Variants in FAM220A observed in about 807,000 individuals in gnomAD.
The protein encoded by FAM220A is protein FAM220A.
For synonymous variants in FAM220A, 141 were observed against 130.7 expected (o/e 1.08, Z -0.54); for missense variants, 392 against 321.6 (o/e 1.22, Z -1.68).
chr7:6,346,616 A>T (rs1781955199), intron 1 of FAM220A, among the ~76,000 whole-genome samples: 1 of 152,136 alleles, frequency 6.6e-6, no homozygotes. Flanking sequence ...CCTGAGCTTA[A>T]GCGACGCAGA....
rs113341185 is a variant in FAM220A at position 6,336,494 on chromosome 7, A to C, written c.-81-5259T>G. Among the ~76,000 whole-genome samples the C allele has an allele frequency of 1.1e-4, 16 of 152,242 alleles. 3 individuals are homozygous for C. The highest frequency in any genetic ancestry group is 3.4e-4 in the African/African-American group (14 of 41,568). ...TCAGGAGTTTGAGACCAGCCTGGCC[A>C]ACACAGGGAAACCCTATCTCTACTA... On this transcript the variant is annotated intron_variant, in intron 1 of 1. Transcript: ENST00000313324.
intron 1 of FAM220A, among the ~76,000 whole-genome samples, chr7:6,337,220 T>C (rs1008969997): frequency 2.0e-5 from 3 of 152,104 alleles, no homozygotes; most frequent in African/African-American, 7.2e-5. Context: ...TACAGGTGTA[T>C]GCCACCATGG....
chr7:6,330,854 T>G lies in FAM220A; in HGVS notation c.301A>C (p.Ser101Arg). ...GCAGGGAACAAACCCACGGCTGTGCTCGGAGTGGCTGCTGAGGCTGGATTT... is the reference window on the plus strand; with the variant it reads ...GCAGGGAACAAACCCACGGCTGTGCGCGGAGTGGCTGCTGAGGCTGGATTT... ...RRNPASAATP[S>R]TAVGLFPAPT... The change falls in exon 2 of 2, where the codon AGC (serine) becomes CGC (arginine). Residue 101 changes from serine (S) to arginine (R), a missense_variant. Coordinates refer to ENST00000313324, the MANE Select transcript of FAM220A (RefSeq NM_001037163.2). 3.7e-6 allele frequency: 6 copies of G among 1,614,170 alleles called. No individual in the cohort carries two copies.
At chr7:6,333,103 G>C (rs1037786712) in intron 1 of FAM220A, among the ~76,000 whole-genome samples, 12 of 150,456 alleles carry the variant, frequency 8.0e-5, no homozygotes, top group African/African-American at 2.9e-4. Flanking sequence ...GTTGCAGTGA[G>C]CCGAGATCCC....
intron 1 of FAM220A, among the ~76,000 whole-genome samples, chr7:6,345,800 G>A (rs561246321): frequency 7.2e-5 from 11 of 151,820 alleles, no homozygotes; most frequent in East Asian, 3.9e-4. Context: ...ACAGAGTCTC[G>A]CTGTGTTTCC....
At position 6,344,712 on chromosome 7, in the gene FAM220A, C is replaced by T. The variant is rs1210388760; in HGVS notation, c.-82+3861G>A. Among the ~76,000 whole-genome samples, 3 of 151,956 alleles carry T rather than the reference C, an allele frequency of 2.0e-5. No homozygotes were observed. The South Asian group carries it at 6.2e-4, about 32-fold the overall frequency. On this transcript the variant is annotated intron_variant, in intron 1 of 1. Transcript: ENST00000313324. ...GGGATTACAGGGTTGAGTCACGGCACCTGGCCCACTCAATTCTTTTTTTTA... is the reference window on the plus strand; with the variant it reads ...GGGATTACAGGGTTGAGTCACGGCATCTGGCCCACTCAATTCTTTTTTTTA...
rs116646505 is a variant in FAM220A at position 6,331,987 on chromosome 7, C to A, written c.-81-752G>T. ...ATTAGCCAGGTGTGATGGCAGGTGT[C>A]TGTAATCCCAGCTAGTTGGGAGGCT... On this transcript the variant is annotated intron_variant, in intron 1 of 1. Coordinates refer to ENST00000313324, the MANE Select transcript of FAM220A (RefSeq NM_001037163.2). Among the ~76,000 whole-genome samples the A allele has an allele frequency of 3.4e-3, 522 of 151,612 alleles. 4 individuals are homozygous for A. Among genetic ancestry groups the A allele is most frequent in the African/African-American group, 0.012 (499 of 41,386 alleles).
intron 1 of FAM220A, among the ~76,000 whole-genome samples, chr7:6,348,232 A>AGGGGGGGG (rs11408091): frequency 1.4e-5 from 2 of 145,172 alleles, no homozygotes; most frequent in Non-Finnish European, 3.0e-5. Flanking sequence ...ATTAAAAATA[A>AGGGGGGGG]GGGGGGGGGT....
intron 1 of FAM220A, among the ~76,000 whole-genome samples, chr7:6,332,537 G>C (rs1250726770): frequency 6.6e-6 from 1 of 152,050 alleles, no homozygotes; most frequent in Admixed American, 6.6e-5. Context: ...ACCACCCTCA[G>C]CCAGGCGTGG....
chr7:6,345,008 T>C (rs1781929379), intron 1 of FAM220A, among the ~76,000 whole-genome samples: 1 of 152,156 alleles, frequency 6.6e-6, no homozygotes, highest in Non-Finnish European at 1.5e-5. Context: ...CTCAAAGTGC[T>C]GGGATTTACA....
intron 1 of FAM220A, among the ~76,000 whole-genome samples, chr7:6,348,025 C>G (rs1583243355): frequency 6.6e-6 from 1 of 151,700 alleles, no homozygotes; most frequent in Middle Eastern, 3.4e-3. Flanking sequence ...ATTCTGCCGC[C>G]TCAGCCTCCC....
intron 1 of FAM220A, chr7:6,342,011 G>C (rs528903638): frequency 1.3e-5 from 2 of 151,484 alleles, no homozygotes; most frequent in Non-Finnish European, 2.9e-5. Context: ...AAAAAAAATT[G>C]CAAGTGCTGA....
chr7:6,337,586 TA>T (rs5882089), intron 1 of FAM220A, among the ~76,000 whole-genome samples: 7,453 of 151,728 alleles, frequency 0.049, 326 homozygotes, highest in East Asian at 0.18. Flanking sequence ...ACAGTACCAT[TA>T]TTTTTTTTCA....
intron 1 of FAM220A, among the ~76,000 whole-genome samples, chr7:6,346,551 T>A (rs1197745772): frequency 6.6e-6 from 1 of 152,030 alleles, no homozygotes; most frequent in Non-Finnish European, 1.5e-5. Context: ...CAGCTAATTT[T>A]TTGTATTTTA....
In FAM220A at chr7:6,338,918, A is replaced by C. The variant is rs111368161; in HGVS notation, c.-81-7683T>G. On this transcript the variant is annotated intron_variant, in intron 1 of 1. Transcript: ENST00000313324. ...TGGGCCTTGAGGGACTGCCGCACGC[A>C]AGGAGAGCTCACACACGCTCCCAGA... Among the ~76,000 whole-genome samples, 9 of 152,290 alleles carry C rather than the reference A, an allele frequency of 5.9e-5. 2 individuals are homozygous for C. Among genetic ancestry groups the C allele is most frequent in the African/African-American group, 2.2e-4 (9 of 41,570 alleles).
chr7:6,340,788 A>G (rs1231494814), intron 1 of FAM220A, among the ~76,000 whole-genome samples: 2 of 150,756 alleles, frequency 1.3e-5, no homozygotes, highest in South Asian at 4.2e-4. Context: ...AGTCCCAGCT[A>G]CTCGGGAGGC....
intron 1 of FAM220A, among the ~76,000 whole-genome samples, chr7:6,338,859 G>T (rs1419519976): frequency 6.6e-6 from 1 of 152,160 alleles, no homozygotes; most frequent in South Asian, 2.1e-4. Context: ...GTCCCAAAGG[G>T]GAGAAGACAC....
intron 1 of FAM220A, among the ~76,000 whole-genome samples, chr7:6,336,150 G>C (rs978546213): frequency 1.4e-5 from 2 of 145,862 alleles, no homozygotes; most frequent in African/African-American, 5.2e-5. Context: ...TCCAGCCTGG[G>C]CAACAGAGTG....
Position 6,330,872 on chromosome 7 carries a change from C to T in FAM220A, c.283G>A (p.Ala95Thr). ...GCTGTGCTCGGAGTGGCTGCTGAGG[C>T]TGGATTTCTTCTTACTGATTCTCTC... Reference protein sequence around the residue: ...YVRESVRRNPASAATPSTAVG... With the variant: ...YVRESVRRNPTSAATPSTAVG... The change falls in exon 2 of 2, where the codon GCC becomes ACC. Residue 95 changes from alanine (A) to threonine (T), a missense_variant. Ala to Thr is a moderately conservative substitution (Grantham distance 58, BLOSUM62 0). Coordinates refer to ENST00000313324, the MANE Select transcript of FAM220A (RefSeq NM_001037163.2). 1 of 1,614,206 alleles carries T rather than the reference C, an allele frequency of 6.2e-7. No homozygotes were observed. Among genetic ancestry groups the T allele is most frequent in the Non-Finnish European group, 8.5e-7 (1 of 1,180,034 alleles).
Sources: allele counts gnomAD v4.1 joint callset (sites outside exome capture counted in the v4.1 genomes callset), GRCh38; gene constraint gnomAD v4.1.1; transcripts MANE v1.5; gene names NCBI Gene and HGNC (gene_info 2026-07-23, HGNC 2026-07-21).